Variants in UNC79 observed in about 807,000 individuals in gnomAD.
UNC79 encodes the protein unc-79 subunit of NALCN channel complex.
Under a neutral mutation model 283.1 loss-of-function variants are expected in UNC79, and 37 were observed. The observed-to-expected ratio is 0.13, with a 90% CI of 0.10 to 0.17. The LOEUF (loss-of-function observed/expected upper bound fraction) is 0.17. Among genes scored for constraint, UNC79 ranks in the 10% least tolerant of loss-of-function variants. The pLI is 1.00. For synonymous variants in UNC79, 1,107 were observed against 1,200.2 expected, an observed-to-expected ratio of 0.92 and a Z score of 1.61; for missense variants, 2,272 against 3,211.1, an observed-to-expected ratio of 0.71 and a Z score of 7.07.
chr14:93,342,222 G>C (rs897408341), intron 1 of UNC79, among the ~76,000 whole-genome samples: 2 of 152,214 alleles, frequency 1.3e-5, no homozygotes, highest in Admixed American at 1.3e-4. Flanking sequence ...CTAAAATCTA[G>C]GTGGAGACTC....
intron 30 of UNC79, among the ~76,000 whole-genome samples, chr14:93,623,228 A>G: frequency 6.6e-6 from 1 of 152,208 alleles, no homozygotes; most frequent in East Asian, 1.9e-4. Flanking sequence ...GAGCTATGAT[A>G]TAGTCCAAAG....
intron 14 of UNC79, among the ~76,000 whole-genome samples, chr14:93,552,629 AC>A (rs2061957239): frequency 6.6e-6 from 1 of 152,162 alleles, no homozygotes; most frequent in Non-Finnish European, 1.5e-5. Flanking sequence ...TGCAAATTAA[AC>A]TTTAGTTTCA....
chr14:93,436,310 C>G (rs1220170106), intron 1 of UNC79, among the ~76,000 whole-genome samples: 2 of 152,106 alleles, frequency 1.3e-5, no homozygotes, highest in Non-Finnish European at 2.9e-5. Flanking sequence ...GTCAAAAGTA[C>G]TTAAAATATA....
At chr14:93,437,683 G>A (rs373646708) in intron 1 of UNC79, among the ~76,000 whole-genome samples, 5 of 152,262 alleles carry the variant, frequency 3.3e-5, no homozygotes, top group South Asian at 2.1e-4. Flanking sequence ...GCAGGCTCTA[G>A]GGAAAAATCT....
chr14:93,411,560 C>CCACAAGTGGTGACTTGTGT (rs1260060429), intron 1 of UNC79, among the ~76,000 whole-genome samples: 4 of 152,236 alleles, frequency 2.6e-5, no homozygotes, highest in Non-Finnish European at 4.4e-5. Context: ...TTGTGTCACT[C>CCACAAGTGGTGACTTGTGT]CACCTCCAGC....
At chr14:93,551,262 G>A (rs1247765866) in intron 14 of UNC79, among the ~76,000 whole-genome samples, 1 of 152,178 alleles carries the variant, frequency 6.6e-6, no homozygotes, top group African/African-American at 2.4e-5. Context: ...TGTTAGCCAG[G>A]ATGGTCTCAA....
At chr14:93,477,595 G>T in exon 4 of UNC79, 1 of 1,609,566 alleles carries the variant, frequency 6.2e-7, no homozygotes. Flanking sequence ...CTACATGTTT[G>T]CTACCTTTTC....
chr14:93,515,266 G>A (rs201332483), intron 7 of UNC79, among the ~76,000 whole-genome samples: 1 of 21,242 alleles, frequency 4.7e-5, no homozygotes. Flanking sequence ...ATATGTATAT[G>A]TGTGTGTGTG....
intron 1 of UNC79, among the ~76,000 whole-genome samples, chr14:93,421,990 G>A (rs1276457147): frequency 6.6e-6 from 1 of 151,680 alleles, no homozygotes; most frequent in African/African-American, 2.4e-5. Flanking sequence ...ATAAAACTGG[G>A]TATAGAAGTG....
chr14:93,352,307 G>A (rs780831216), intron 1 of UNC79, among the ~76,000 whole-genome samples: 5 of 152,074 alleles, frequency 3.3e-5, no homozygotes, highest in Non-Finnish European at 5.9e-5. Context: ...TAACTTTGGC[G>A]GCTTTGTATT....
chr14:93,404,513 T>TATATATATATATATAA lies in UNC79; in HGVS notation c.-350-63157_-350-63156insTATATATATATATAAA, dbSNP rs1229909876. On this transcript the variant is annotated intron_variant, in intron 1 of 49. Transcript: ENST00000256339. ...AAAAAAATATATATATATATATATA[T>TATATATATATATATAA]AAATATATACATATTATATATTATT... is the stretch of plus-strand genomic sequence containing the variant. 1.6e-3 allele frequency among the ~76,000 whole-genome samples: 186 copies of TATATATATATATATAA among 113,226 alleles called. 2 individuals are homozygous for TATATATATATATATAA. The highest frequency in any genetic ancestry group is 3.9e-3 in the African/African-American group (116 of 29,724). 74.3% of individuals were successfully genotyped at this position (113,226 alleles called of 152,430 possible).
chr14:93,575,598 T>C (rs1047748339), intron 17 of UNC79, among the ~76,000 whole-genome samples: 1 of 152,130 alleles, frequency 6.6e-6, no homozygotes, highest in Non-Finnish European at 1.5e-5. Flanking sequence ...TGGGAAGATA[T>C]GATCAACTAC....
intron 1 of UNC79, among the ~76,000 whole-genome samples, chr14:93,389,345 C>T (rs1217960359): frequency 6.6e-6 from 1 of 152,092 alleles, no homozygotes; most frequent in Non-Finnish European, 1.5e-5. Context: ...AACTAGAAAT[C>T]TGGAAAGAAA....
chr14:93,562,642 A>G (rs2062630986), intron 14 of UNC79, among the ~76,000 whole-genome samples: 1 of 152,120 alleles, frequency 6.6e-6, no homozygotes, highest in Non-Finnish European at 1.5e-5. Flanking sequence ...GAATACCAAG[A>G]GCCTGAGAAA....
At chr14:93,564,024 A>T (rs1266969834) in intron 14 of UNC79, among the ~76,000 whole-genome samples, 1 of 152,234 alleles carries the variant, frequency 6.6e-6, no homozygotes, top group Non-Finnish European at 1.5e-5. Context: ...GCACGGAGGC[A>T]TGATGGCCAG....
chr14:93,420,178 TAAA>T (rs60757202), intron 1 of UNC79, among the ~76,000 whole-genome samples: 3 of 103,848 alleles, frequency 2.9e-5, no homozygotes, highest in African/African-American at 6.5e-5. Flanking sequence ...GCTGAACAGA[TAAA>T]AAAAAAAAAA....
chr14:93,679,851 G>A (rs1476477199), intron 41 of UNC79, among the ~76,000 whole-genome samples: 1 of 152,136 alleles, frequency 6.6e-6, no homozygotes, highest in African/African-American at 2.4e-5. Flanking sequence ...CTTCGACAGC[G>A]ATCATCATTT....
At chr14:93,643,618 G>T (rs530206876) in exon 34 of UNC79, 1 of 1,613,722 alleles carries the variant, frequency 6.2e-7, no homozygotes, top group East Asian at 2.2e-5. Flanking sequence ...GCTAGCCATC[G>T]TGGTCCTCTC....
chr14:93,512,402 GC>G (rs35810872), intron 7 of UNC79, among the ~76,000 whole-genome samples: 46,256 of 151,696 alleles, frequency 0.3, 7,385 homozygotes, highest in East Asian at 0.65. Flanking sequence ...GGTTTGCTGA[GC>G]TTCTCGAATC....
Sources: gnomAD v4.1 joint callset for allele counts (sites outside exome capture counted in the v4.1 genomes callset) on GRCh38, gnomAD v4.1.1 for gene constraint, MANE v1.5 for transcripts, NCBI Gene and HGNC (gene_info 2026-07-23, HGNC 2026-07-21) for gene names.